Variants in GDPD1 observed in about 807,000 individuals in gnomAD.
GDPD1 encodes lysophospholipase D GDPD1.
GDPD1 carries 28 observed loss-of-function variants against 45.1 expected under a neutral mutation model. The ratio of observed to expected loss-of-function variants is 0.62; its 90% confidence interval spans 0.46 to 0.85. The LOEUF (loss-of-function observed/expected upper bound fraction) is 0.85. GDPD1 is among the 40% of genes least tolerant of loss of function. The pLI is 0.00. For missense variants in GDPD1, 256 were observed against 364.8 expected, an observed-to-expected ratio of 0.70 and a Z score of 2.43; for synonymous variants, 139 against 131.4, an observed-to-expected ratio of 1.06 and a Z score of -0.40.
At chr17:59,259,349 C>T (rs1237420755) in intron 6 of GDPD1, among the ~76,000 whole-genome samples, 6 of 151,728 alleles carry the variant, frequency 4.0e-5, no homozygotes, top group African/African-American at 9.7e-5. Flanking sequence ...GGGCGGATCA[C>T]GAGGTTGGGA....
intron 6 of GDPD1, among the ~76,000 whole-genome samples, chr17:59,262,924 G>C (rs1314534378): frequency 6.6e-6 from 1 of 151,942 alleles, no homozygotes; most frequent in African/African-American, 2.4e-5. Flanking sequence ...CACCGTGCCC[G>C]GCCACAGCTT....
At chr17:59,234,401 A>AAT in intron 1 of GDPD1, 91 bp from the exon 2 acceptor site, 3 of 711,320 alleles carry the variant, frequency 4.2e-6, no homozygotes, top group Non-Finnish European at 7.2e-6. Context: ...AAAAAAAAAA[A>AAT]GGTCAAGATT....
intron 7 of GDPD1, among the ~76,000 whole-genome samples, chr17:59,268,452 G>A (rs1032143013): frequency 6.6e-6 from 1 of 151,594 alleles, no homozygotes; most frequent in Non-Finnish European, 1.5e-5. Context: ...GGTGGCGGGC[G>A]CCTGTAGTCC....
chr17:59,251,874 G>A (rs1597979419), intron 4 of GDPD1, among the ~76,000 whole-genome samples: 1 of 151,454 alleles, frequency 6.6e-6, no homozygotes, highest in African/African-American at 2.4e-5. Context: ...AGCCAGGCAT[G>A]GTGGTATGCA....
rs558942871 is a variant in GDPD1, at chr17:59,263,728, C to T, written c.577-3313C>T. On this transcript the variant is annotated intron_variant, in intron 6 of 9. Transcript: ENST00000284116. Reference sequence around the variant, plus strand: ...CTCCCAACCTCAGGTGATCCACCTGCCTCGGCCTCCCAAAGTGCTGGGATT... The same window carrying T: ...CTCCCAACCTCAGGTGATCCACCTGTCTCGGCCTCCCAAAGTGCTGGGATT... Among the ~76,000 whole-genome samples, 5 of 152,026 alleles carry T rather than the reference C, an allele frequency of 3.3e-5. No homozygotes were observed. In the South Asian group the frequency reaches 1.0e-3, roughly 32 times the overall value.
chr17:59,234,626 G>GT, intron 2 of GDPD1, 92 bp downstream of exon 2: 1 of 838,634 alleles, frequency 1.2e-6, no homozygotes, highest in Non-Finnish European at 2.0e-6. Flanking sequence ...TGAGGATAGT[G>GT]TAAGTGTAGC....
chr17:59,262,067 G>A (rs1239045679), intron 6 of GDPD1, among the ~76,000 whole-genome samples: 1 of 150,620 alleles, frequency 6.6e-6, no homozygotes, highest in African/African-American at 2.4e-5. Flanking sequence ...ACAGGCGCCC[G>A]CCACTACGCC....
chr17:59,267,673 G>GTT (rs777259266), intron 7 of GDPD1, among the ~76,000 whole-genome samples: 2 of 140,968 alleles, frequency 1.4e-5, no homozygotes, highest in African/African-American at 2.6e-5. Flanking sequence ...GTGGTTTTTT[G>GTT]TTTTTTTTTT....
intron 3 of GDPD1, among the ~76,000 whole-genome samples, chr17:59,247,051 A>T (rs2047218038): frequency 6.6e-6 from 1 of 152,090 alleles, no homozygotes; most frequent in South Asian, 2.1e-4. Flanking sequence ...TACAGGTGTG[A>T]GCCACCACGC....
chr17:59,260,570 T>C (rs2047348207), intron 6 of GDPD1, among the ~76,000 whole-genome samples: 2 of 152,068 alleles, frequency 1.3e-5, no homozygotes, highest in Non-Finnish European at 2.9e-5. Flanking sequence ...ATTAATTTTA[T>C]ATGCTTTAAA....
At chr17:59,225,703 T>C (rs2047042269) in intron 1 of GDPD1, among the ~76,000 whole-genome samples, 3 of 152,034 alleles carry the variant, frequency 2.0e-5, no homozygotes, top group African/African-American at 7.2e-5. Flanking sequence ...TTTATTAAAA[T>C]TGATTCAAAA....
At chr17:59,269,069 C>T (rs1038827087) in intron 7 of GDPD1, among the ~76,000 whole-genome samples, 1 of 152,000 alleles carries the variant, frequency 6.6e-6, no homozygotes, top group African/African-American at 2.4e-5. Flanking sequence ...GAGGCTGAGG[C>T]GGGTGGATCA....
At chr17:59,257,951 G>A (rs1037952460) in intron 6 of GDPD1, 111 bp downstream of exon 6, 90 of 603,664 alleles carry the variant, frequency 1.5e-4, no homozygotes, top group South Asian at 2.3e-4. Context: ...TTTAGAGATA[G>A]GGTCTCACCC....
At chr17:59,225,090 C>CT (rs796851725) in intron 1 of GDPD1, among the ~76,000 whole-genome samples, 10,622 of 113,676 alleles carry the variant, frequency 0.093, 780 homozygotes, top group South Asian at 0.21. Flanking sequence ...TCTTTCTTTT[C>CT]TTTTTTTTTT....
At chr17:59,250,937 T>C (rs2047248424) in intron 4 of GDPD1, among the ~76,000 whole-genome samples, 1 of 152,060 alleles carries the variant, frequency 6.6e-6, no homozygotes, top group Admixed American at 6.6e-5. Flanking sequence ...TGGCCTCAAC[T>C]GATTTACCTG....
At chr17:59,234,717 C>T (rs1225620881) in intron 2 of GDPD1, among the ~76,000 whole-genome samples, 183 bp downstream of exon 2, 1 of 152,090 alleles carries the variant, frequency 6.6e-6, no homozygotes, top group East Asian at 1.9e-4. Flanking sequence ...AAGAGTTTGG[C>T]TTCTGTATTA....
chr17:59,236,392 CAT>C (rs1337110515), intron 2 of GDPD1, among the ~76,000 whole-genome samples: 5 of 152,222 alleles, frequency 3.3e-5, no homozygotes, highest in Non-Finnish European at 1.5e-5. Flanking sequence ...CCTTCTGTAT[CAT>C]GTGGAAGCTT....
At chr17:59,260,060 CAAAAAAAAAAAAAAAA>C (rs56936442) in intron 6 of GDPD1, among the ~76,000 whole-genome samples, 49 of 25,842 alleles carry the variant, frequency 1.9e-3, no homozygotes, top group Middle Eastern at 0.038. Context: ...GACCCTGTCT[CAAAAAAAAAAAAAAAA>C]AAAAAAAAAA....
At chr17:59,269,866 C>T (rs192518405) in intron 7 of GDPD1, among the ~76,000 whole-genome samples, 73 of 152,198 alleles carry the variant, frequency 4.8e-4, no homozygotes, top group African/African-American at 1.7e-3. Context: ...ACTTAGCTTT[C>T]CTCTGGCCTG....
Sources: allele counts gnomAD v4.1 joint callset (sites outside exome capture counted in the v4.1 genomes callset), GRCh38; gene constraint gnomAD v4.1.1; transcripts MANE v1.5; gene names NCBI Gene and HGNC (gene_info 2026-07-23, HGNC 2026-07-21).